The following ZFAND3 variants were observed in gnomAD, a reference collection of about 807,000 sequenced individuals.
The protein encoded by ZFAND3 is zinc finger AN1-type containing 3, also known as AN1-type zinc finger protein 3.
In ZFAND3, 10 loss-of-function variants were observed where a neutral mutation model predicts 29.6. The observed-to-expected ratio is 0.34, with a 90% CI of 0.21 to 0.57. The LOEUF (loss-of-function observed/expected upper bound fraction) is 0.57, where lower values mean the gene tolerates loss of function less well. ZFAND3 is among the 20% of genes least tolerant of loss of function. ZFAND3 has a pLI of 0.86. For missense variants in ZFAND3, 230 were observed against 304.5 expected, an observed-to-expected ratio of 0.76 and a Z score of 1.82; for synonymous variants, 128 against 112.6, an observed-to-expected ratio of 1.14 and a Z score of -0.87.
intron 2 of ZFAND3, among the ~76,000 whole-genome samples, chr6:37,938,600 A>G (rs1314680335): frequency 1.3e-5 from 2 of 152,182 alleles, no homozygotes; most frequent in African/African-American, 4.8e-5. Flanking sequence ...AAATGCAAGC[A>G]AGACTCGGGC....
At chr6:38,074,939 A>G (rs543179473) in intron 3 of ZFAND3, among the ~76,000 whole-genome samples, 34 of 152,336 alleles carry the variant, frequency 2.2e-4, no homozygotes, top group African/African-American at 7.9e-4. Context: ...ATGACTGCAC[A>G]TCTGTTTATA....
At chr6:37,859,959 C>A (rs1764452112) in intron 1 of ZFAND3, among the ~76,000 whole-genome samples, 1 of 150,452 alleles carries the variant, frequency 6.6e-6, no homozygotes, top group African/African-American at 2.4e-5. Context: ...GCAACCACCA[C>A]CTCCTGGGTT....
At chr6:37,935,687 A>G (rs1282320252) in intron 2 of ZFAND3, among the ~76,000 whole-genome samples, 2 of 152,230 alleles carry the variant, frequency 1.3e-5, no homozygotes, top group Non-Finnish European at 2.9e-5. Flanking sequence ...ATATGTGTAT[A>G]TTACTATTAT....
intron 2 of ZFAND3, among the ~76,000 whole-genome samples, chr6:37,931,833 A>G (rs1761602345): frequency 6.6e-6 from 1 of 152,152 alleles, no homozygotes; most frequent in African/African-American, 2.4e-5. Flanking sequence ...TGCCTAAACT[A>G]GGGGTTAGAT....
intron 2 of ZFAND3, among the ~76,000 whole-genome samples, chr6:38,054,977 A>G (rs183166576): frequency 4.6e-5 from 7 of 152,308 alleles, no homozygotes; most frequent in Admixed American, 6.5e-5. Flanking sequence ...GTGGGGGACA[A>G]TGCAGCTTTA....
intron 2 of ZFAND3, among the ~76,000 whole-genome samples, chr6:38,033,094 T>G (rs1226057758): frequency 2.6e-5 from 4 of 152,152 alleles, no homozygotes; most frequent in African/African-American, 9.7e-5. Flanking sequence ...GCTGAAAAAT[T>G]TAAACACATT....
intron 2 of ZFAND3, among the ~76,000 whole-genome samples, chr6:37,943,689 G>A (rs1315812381): frequency 6.6e-6 from 1 of 152,144 alleles, no homozygotes; most frequent in Non-Finnish European, 1.5e-5. Context: ...AGGAACTCTA[G>A]AAGTGCGAAT....
chr6:38,015,349 T>C (rs1478322522), intron 2 of ZFAND3, among the ~76,000 whole-genome samples: 1 of 152,214 alleles, frequency 6.6e-6, no homozygotes, highest in Non-Finnish European at 1.5e-5. Context: ...TGAGGATGTG[T>C]GGGCTCTGCT....
chr6:38,083,899 A>G lies in ZFAND3; in HGVS notation c.361+1442A>G, dbSNP rs4129564. Among the ~76,000 whole-genome samples, 1,445 of 152,290 alleles carry G rather than the reference A, an allele frequency of 9.5e-3. 13 individuals are homozygous for G. Among genetic ancestry groups the G allele is most frequent in the Non-Finnish European group, 0.014 (953 of 68,016 alleles). Reference sequence around the variant, plus strand: ...GTATCTAAAACTAATAATGATATTTATTGTATGCTTACTACATTGCCAGGT... The same window carrying G: ...GTATCTAAAACTAATAATGATATTTGTTGTATGCTTACTACATTGCCAGGT... On this transcript the variant is annotated intron_variant, in intron 4 of 5. Transcript: ENST00000287218.
intron 4 of ZFAND3, among the ~76,000 whole-genome samples, chr6:38,085,978 C>T (rs1318681176): frequency 6.6e-6 from 1 of 152,080 alleles, no homozygotes; most frequent in East Asian, 1.9e-4. Context: ...GTATTTCAAG[C>T]AATTACTGTT....
chr6:38,111,831 GC>G (rs1243025216), intron 4 of ZFAND3, among the ~76,000 whole-genome samples: 1 of 152,026 alleles, frequency 6.6e-6, no homozygotes, highest in East Asian at 1.9e-4. Context: ...AGGGGTCAGC[GC>G]CCCAAACCCC....
chr6:37,988,083 A>T (rs149501125), intron 2 of ZFAND3, among the ~76,000 whole-genome samples: 30 of 152,252 alleles, frequency 2.0e-4, no homozygotes, highest in Admixed American at 7.8e-4. Flanking sequence ...TAAATTTTTT[A>T]AAAAAAGTTT....
intron 1 of ZFAND3, among the ~76,000 whole-genome samples, chr6:37,856,014 TTTTTTTTTCTTCTTC>T (rs1309052577): frequency 1.3e-5 from 2 of 152,076 alleles, no homozygotes; most frequent in Admixed American, 1.3e-4. Flanking sequence ...GTTCTGGTTT[TTTTTTTTTCTTCTTC>T]TTTTTTTATT....
In ZFAND3 at chr6:37,983,628, G is replaced by A. The variant is rs548331027; in HGVS notation, c.112+53629G>A. ...CCCGCCTTGACCTCCCAAAGTGCTG[G>A]GATTACAGGCGTGAGCCACCCCCCA... On this transcript the variant is annotated intron_variant, in intron 2 of 5. Coordinates refer to ENST00000287218, the MANE Select transcript of ZFAND3 (RefSeq NM_021943.3). 3.1e-3 allele frequency among the ~76,000 whole-genome samples: 470 copies of A among 152,054 alleles called. 3 individuals carry two copies. The highest frequency in any genetic ancestry group is 0.011 in the African/African-American group (447 of 41,466).
intron 4 of ZFAND3, among the ~76,000 whole-genome samples, chr6:38,089,033 G>C (rs1471066915): frequency 6.6e-6 from 1 of 152,038 alleles, no homozygotes; most frequent in African/African-American, 2.4e-5. Context: ...GACAAACAGT[G>C]ACATGAACTA....
At chr6:37,998,929 T>A (rs1444214025) in intron 2 of ZFAND3, among the ~76,000 whole-genome samples, 1 of 152,234 alleles carries the variant, frequency 6.6e-6, no homozygotes, top group Non-Finnish European at 1.5e-5. Flanking sequence ...ATATATTTCC[T>A]TGCTCTGTCT....
intron 2 of ZFAND3, among the ~76,000 whole-genome samples, chr6:38,005,517 G>A (rs1763033260): frequency 6.6e-6 from 1 of 152,180 alleles, no homozygotes; most frequent in Non-Finnish European, 1.5e-5. Context: ...TGTGGTAGAA[G>A]GAGCTCTTAA....
At chr6:38,127,894 C>T (rs759059781) in intron 5 of ZFAND3, among the ~76,000 whole-genome samples, 1 of 152,202 alleles carries the variant, frequency 6.6e-6, no homozygotes, top group Non-Finnish European at 1.5e-5. Flanking sequence ...CAGCCACACT[C>T]ACTGTACCTC....
At chr6:37,820,896 T>C (rs1270544787) in intron 1 of ZFAND3, among the ~76,000 whole-genome samples, 1 of 152,246 alleles carries the variant, frequency 6.6e-6, no homozygotes, top group Non-Finnish European at 1.5e-5. Context: ...GGTAACACTT[T>C]AAGCTTCATG....
Sources: allele counts gnomAD v4.1 joint callset (sites outside exome capture counted in the v4.1 genomes callset), GRCh38; gene constraint gnomAD v4.1.1; transcripts MANE v1.5; gene names NCBI Gene and HGNC (gene_info 2026-07-23, HGNC 2026-07-21).